PRUNE2: variants seen among roughly 807,000 people sequenced by gnomAD.
The protein encoded by PRUNE2 is prune homolog 2 with BCH domain, also known as protein prune homolog 2.
In PRUNE2, 164 loss-of-function variants were observed where a neutral mutation model predicts 252.0. The observed-to-expected ratio is 0.65, with a 90% CI of 0.57 to 0.74. The LOEUF is 0.74. PRUNE2 is among the 30% of genes least tolerant of loss of function. The pLI, the probability that PRUNE2 is intolerant of heterozygous loss-of-function variation, is 0.00. For missense variants in PRUNE2, 3,495 were observed against 3,711.0 expected (o/e 0.94, Z 1.51); for synonymous variants, 1,292 against 1,350.2 (o/e 0.96, Z 0.94).
intron 8 of PRUNE2, 22 bp from the exon 9 acceptor site, chr9:76,704,121 G>A (rs970236419): frequency 1.3e-6 from 2 of 1,534,604 alleles, no homozygotes; most frequent in South Asian, 1.3e-5. Context: ...AGTTGAAAGT[G>A]AGAAGAGGAG....
chr9:76,641,898 C>T (rs988190309), intron 12 of PRUNE2: 6 of 1,502,376 alleles, frequency 4.0e-6, no homozygotes, highest in East Asian at 2.5e-5. Flanking sequence ...CATACACACA[C>T]ACACACCAGC....
intron 6 of PRUNE2, among the ~76,000 whole-genome samples, chr9:76,771,018 T>C (rs2053043245): frequency 1.3e-5 from 2 of 152,126 alleles, no homozygotes. Context: ...TTACCATAAA[T>C]AGCAAGCTAA....
At chr9:76,857,816 T>G (rs1233876467) in intron 1 of PRUNE2, among the ~76,000 whole-genome samples, 1 of 152,082 alleles carries the variant, frequency 6.6e-6, no homozygotes, top group East Asian at 1.9e-4. Flanking sequence ...TTCAGGTGTC[T>G]GGGGCAGGTA....
At chr9:76,637,726 T>A (rs1468378214) in intron 13 of PRUNE2, among the ~76,000 whole-genome samples, 177 bp from the exon 14 acceptor site, 1 of 152,222 alleles carries the variant, frequency 6.6e-6, no homozygotes. Context: ...TACTCATTTA[T>A]CGGTATGGCT....
intron 6 of PRUNE2, among the ~76,000 whole-genome samples, chr9:76,742,388 A>C (rs1224171677): frequency 3.9e-5 from 6 of 152,156 alleles, no homozygotes; most frequent in Non-Finnish European, 7.4e-5. Context: ...TTGAGAAGGG[A>C]GGATTACCTG....
intron 9 of PRUNE2, among the ~76,000 whole-genome samples, chr9:76,678,708 A>C (rs1170273740): frequency 6.6e-6 from 1 of 152,190 alleles, no homozygotes; most frequent in Non-Finnish European, 1.5e-5. Flanking sequence ...GGGCGCCTGT[A>C]GTCCCAGCTA....
chr9:76,804,835 T>G (rs1056402766), intron 6 of PRUNE2, among the ~76,000 whole-genome samples: 1 of 152,216 alleles, frequency 6.6e-6, no homozygotes, highest in Non-Finnish European at 1.5e-5. Context: ...CCAAGTTTTT[T>G]GAAAACTTCT....
intron 4 of PRUNE2, among the ~76,000 whole-genome samples, chr9:76,843,361 T>C (rs1403237862): frequency 6.6e-6 from 1 of 152,082 alleles, no homozygotes; most frequent in Admixed American, 6.6e-5. Context: ...TTAGGAGAAA[T>C]ACCTAATGTA....
Position 76,892,099 on chromosome 9 carries a change from G to A in PRUNE2, c.36+13829C>T, listed in dbSNP as rs114320521. Among the ~76,000 whole-genome samples, 528 of 152,288 alleles carry A rather than the reference G, an allele frequency of 3.5e-3. 2 individuals are homozygous for A. Among genetic ancestry groups the A allele is most frequent in the African/African-American group, 0.012 (478 of 41,558 alleles). On this transcript the variant is annotated intron_variant, in intron 1 of 18. Coordinates refer to ENST00000376718, the MANE Select transcript of PRUNE2 (RefSeq NM_015225.3). The stretch of plus-strand genomic sequence containing the variant: ...CAGATTCTACCTACTGGTCTCATTA[G>A]CAGAGTTGTAACTGGTGTGGCACAG...
chr9:76,644,160 C>A (rs1394216011), intron 12 of PRUNE2, among the ~76,000 whole-genome samples: 1 of 152,174 alleles, frequency 6.6e-6, no homozygotes, highest in African/African-American at 2.4e-5. Flanking sequence ...ACACACTTTT[C>A]TCTCTCCCTT....
chr9:76,727,634 T>C (rs545338056), intron 6 of PRUNE2, among the ~76,000 whole-genome samples: 1 of 147,470 alleles, frequency 6.8e-6, no homozygotes, highest in Non-Finnish European at 1.5e-5. Flanking sequence ...TGTTTCTTTC[T>C]TCTTCTTCTT....
At position 76,870,974 on chromosome 9, in the gene PRUNE2, T is replaced by C. The variant is rs12000498; in HGVS notation, c.37-16766A>G. Among the ~76,000 whole-genome samples, 985 of 152,338 alleles carry C rather than the reference T, an allele frequency of 6.5e-3. 10 individuals are homozygous for C. Among genetic ancestry groups the C allele is most frequent in the African/African-American group, 0.022 (933 of 41,586 alleles). ...TACAAAGCAACTGCTGGGCAGCTAC[T>C]ATGGATCATGTTGTTTTTCTGAGCC... is the stretch of plus-strand genomic sequence containing the variant. On this transcript the variant is annotated intron_variant, in intron 1 of 18. Coordinates refer to ENST00000376718, the MANE Select transcript of PRUNE2 (RefSeq NM_015225.3).
At position 76,705,162 on chromosome 9, in the gene PRUNE2, T is replaced by C. The variant is rs779449810; in HGVS notation, c.7112A>G (p.His2371Arg). The change falls in exon 8 of 19, where the codon CAC becomes CGC. Residue 2371 changes from histidine to arginine, a missense_variant. Transcript: ENST00000376718. ...IDEDLLREPEHFLYGGDPPLE... is the reference protein window; with the variant it reads ...IDEDLLREPERFLYGGDPPLE... ...AGGAGGGTCACCACCATACAGGAAG[T>C]GTTCAGGCTCTCTCAGTAAATCTTC... 1.9e-6 allele frequency: 3 copies of C among 1,613,854 alleles called. No homozygotes were observed. The highest frequency in any genetic ancestry group is 2.7e-5 in the African/African-American group (2 of 74,900).
chr9:76,714,597 A>G (rs916758706), intron 6 of PRUNE2, among the ~76,000 whole-genome samples: 6 of 151,970 alleles, frequency 3.9e-5, no homozygotes, highest in Non-Finnish European at 7.4e-5. Context: ...AGGTTCTGCC[A>G]TTTTGCCCAG....
At chr9:76,843,419 T>G (rs930370638) in intron 4 of PRUNE2, among the ~76,000 whole-genome samples, 1 of 152,156 alleles carries the variant, frequency 6.6e-6, no homozygotes, top group African/African-American at 2.4e-5. Flanking sequence ...CGTGTATACC[T>G]ATGTAACAAA....
chr9:76,673,515 A>G (rs1343713067), intron 9 of PRUNE2, among the ~76,000 whole-genome samples: 1 of 116,760 alleles, frequency 8.6e-6, no homozygotes, highest in Non-Finnish European at 1.8e-5. Context: ...AACTATTCCA[A>G]TCAATAGAAA....
At chr9:76,878,614 T>C (rs2061592697) in intron 1 of PRUNE2, among the ~76,000 whole-genome samples, 1 of 152,194 alleles carries the variant, frequency 6.6e-6, no homozygotes, top group Admixed American at 6.5e-5. Flanking sequence ...GAGATTTTCT[T>C]CCTTTATGAT....
At chr9:76,671,904 A>G (rs1301006101) in intron 9 of PRUNE2, among the ~76,000 whole-genome samples, 1 of 152,184 alleles carries the variant, frequency 6.6e-6, no homozygotes, top group African/African-American at 2.4e-5. Flanking sequence ...TGAAGGAAGC[A>G]CTAAACATGG....
chr9:76,734,015 T>C (rs2048864855), intron 6 of PRUNE2, among the ~76,000 whole-genome samples: 1 of 152,174 alleles, frequency 6.6e-6, no homozygotes, highest in Non-Finnish European at 1.5e-5. Context: ...GAACAGTGTT[T>C]ACTGAATGCC....
Sources: gnomAD v4.1 joint callset for allele counts (sites outside exome capture counted in the v4.1 genomes callset) on GRCh38, gnomAD v4.1.1 for gene constraint, MANE v1.5 for transcripts, NCBI Gene and HGNC (gene_info 2026-07-23, HGNC 2026-07-21) for gene names.